The following NAA11 variants were observed in gnomAD, a reference collection of about 807,000 sequenced individuals.
NAA11 encodes the protein N-alpha-acetyltransferase 11, NatA catalytic subunit, also known as N-alpha-acetyltransferase 11.
NAA11 carries 15 observed loss-of-function variants against 16.1 expected under a neutral mutation model. That is an observed-to-expected ratio of 0.93 (90% CI 0.62 to 1.44). The LOEUF (loss-of-function observed/expected upper bound fraction) is 1.44, where lower values mean the gene tolerates loss of function less well. Ranked by LOEUF, NAA11 falls within the 40% of genes most tolerant of loss-of-function variation. The pLI, the probability that NAA11 is intolerant of heterozygous loss-of-function variation, is 0.00. For synonymous variants in NAA11, 122 were observed against 112.4 expected (o/e 1.09, Z -0.54); for missense variants, 298 against 291.3 (o/e 1.02, Z -0.17).
At chr4:79,273,019 C>G (rs756118283) in intron 2 of NAA11, among the ~76,000 whole-genome samples, 1 of 151,884 alleles carries the variant, frequency 6.6e-6, no homozygotes, top group Admixed American at 6.6e-5. Flanking sequence ...CATTTGGCTT[C>G]CCTCAAAGAG....
chr4:79,167,161 TG>T, the NAA11 span, among the ~76,000 whole-genome samples: 1 of 76,856 alleles, frequency 1.3e-5, no homozygotes, highest in African/African-American at 4.7e-5. Flanking sequence ...TATATGTATA[TG>T]GAGAGAGAGA....
chr4:79,268,104 T>A (rs1383057999), intron 2 of NAA11, among the ~76,000 whole-genome samples: 1 of 152,142 alleles, frequency 6.6e-6, no homozygotes, highest in Non-Finnish European at 1.5e-5. Flanking sequence ...AATTTCAAAA[T>A]CTGTGGAGCA....
intron 2 of NAA11, among the ~76,000 whole-genome samples, chr4:79,286,531 T>C (rs1722939440): frequency 6.6e-6 from 1 of 152,144 alleles, no homozygotes; most frequent in Non-Finnish European, 1.5e-5. Context: ...ATCTGAATCA[T>C]ATTTCAGAAA....
the NAA11 span, among the ~76,000 whole-genome samples, chr4:79,197,224 T>C: frequency 6.6e-6 from 1 of 151,956 alleles, no homozygotes; most frequent in Non-Finnish European, 1.5e-5. Flanking sequence ...AAGAGGAATA[T>C]GATTACTGAG....
the NAA11 span, among the ~76,000 whole-genome samples, chr4:79,215,184 A>G: frequency 6.6e-6 from 1 of 152,202 alleles, no homozygotes; most frequent in South Asian, 2.1e-4. Context: ...CAATTTACAC[A>G]TATTTACTTA....
At chr4:79,206,125 G>GT in the NAA11 span, among the ~76,000 whole-genome samples, 2 of 152,016 alleles carry the variant, frequency 1.3e-5, no homozygotes, top group South Asian at 4.2e-4. Context: ...ATTTTAGCAT[G>GT]TTTTTTCTAA....
At chr4:79,160,710 GGTTGA>G in the NAA11 span, among the ~76,000 whole-genome samples, 2 of 152,002 alleles carry the variant, frequency 1.3e-5, no homozygotes, top group South Asian at 4.1e-4. Flanking sequence ...ATTTTTAAAC[GGTTGA>G]GTTGTGAGAG....
chr4:79,275,738 A>G (rs949544751), intron 2 of NAA11, among the ~76,000 whole-genome samples: 2 of 152,142 alleles, frequency 1.3e-5, no homozygotes, highest in African/African-American at 4.8e-5. Context: ...TAAGGATTAT[A>G]AAACTGAGAT....
intron 2 of NAA11, among the ~76,000 whole-genome samples, chr4:79,251,867 CCACT>C (rs1338268574): frequency 6.6e-6 from 1 of 152,056 alleles, no homozygotes; most frequent in African/African-American, 2.4e-5. Context: ...TTTTAAAAAT[CCACT>C]CATTCAAAAA....
the NAA11 span, among the ~76,000 whole-genome samples, chr4:79,158,807 C>A: frequency 6.7e-6 from 1 of 150,194 alleles, no homozygotes; most frequent in South Asian, 2.1e-4. Flanking sequence ...CAAAATAAGC[C>A]CAAATACTTA....
intron 2 of NAA11, among the ~76,000 whole-genome samples, chr4:79,249,806 G>C (rs1721952831): frequency 6.6e-6 from 1 of 152,308 alleles, no homozygotes; most frequent in Non-Finnish European, 1.5e-5. Flanking sequence ...AAGACACACA[G>C]TCATCAGATT....
the NAA11 span, among the ~76,000 whole-genome samples, chr4:79,214,869 G>C: frequency 6.6e-6 from 1 of 152,054 alleles, no homozygotes; most frequent in African/African-American, 2.4e-5. Flanking sequence ...TTGCATTTCT[G>C]CCTTCCACCA....
chr4:79,200,144 A>C, the NAA11 span, among the ~76,000 whole-genome samples: 1 of 151,906 alleles, frequency 6.6e-6, no homozygotes, highest in Non-Finnish European at 1.5e-5. Context: ...CTTGGCCCAG[A>C]CATTTACTAG....
chr4:79,285,841 C>T (rs1306686554), intron 2 of NAA11, among the ~76,000 whole-genome samples: 1 of 151,976 alleles, frequency 6.6e-6, no homozygotes, highest in African/African-American at 2.4e-5. Flanking sequence ...AATACAAACA[C>T]TTCAATGTTG....
In NAA11 at chr4:79,325,976, G is replaced by A; in HGVS notation, c.-99C>T. The stretch of plus-strand genomic sequence containing the variant: ...GTTTGCCTCAGGAATCGAGTCCAGG[G>A]GGCTAACACCACCGGGCTGAATCGT... On this transcript the variant is annotated 5_prime_UTR_variant, in exon 1 of 2. Transcript: ENST00000286794. 9.8e-7 allele frequency: 1 copy of A among 1,020,596 alleles called. No individual in the cohort carries two copies. The allele number at this position is 1,020,596 out of a possible 1,614,324, so 63.2% of individuals were successfully genotyped here. A position where few individuals can be genotyped will look rare whatever the true frequency, so the allele number is the denominator to read the frequency against.
chr4:79,189,162 A>AAAAAAAAAAAAAAAAC, the NAA11 span, among the ~76,000 whole-genome samples: 1 of 148,710 alleles, frequency 6.7e-6, no homozygotes, highest in African/African-American at 2.4e-5. Context: ...AAAAAAAAAA[A>AAAAAAAAAAAAAAAAC]AACTTATGAA....
At chr4:79,214,987 C>A in the NAA11 span, among the ~76,000 whole-genome samples, 1 of 152,026 alleles carries the variant, frequency 6.6e-6, no homozygotes, top group African/African-American at 2.4e-5. Context: ...TATAAATTGC[C>A]CAGTCTATCA....
chr4:79,306,633 T>G (rs1289331216), intron 1 of NAA11: 1 of 152,232 alleles, frequency 6.6e-6, no homozygotes, highest in Non-Finnish European at 1.5e-5. Context: ...ATAACTTTTA[T>G]TTTTCAATAA....
intron 2 of NAA11, among the ~76,000 whole-genome samples, chr4:79,266,683 T>G (rs969424719): frequency 3.9e-5 from 6 of 152,202 alleles, no homozygotes; most frequent in Non-Finnish European, 4.4e-5. Context: ...ATTCTTCCGG[T>G]TGAAGGCACC....
Sources: allele counts gnomAD v4.1 joint callset (sites outside exome capture counted in the v4.1 genomes callset), GRCh38; gene constraint gnomAD v4.1.1; transcripts MANE v1.5; gene names NCBI Gene and HGNC (gene_info 2026-07-23, HGNC 2026-07-21).